Variants in OGDH observed in about 807,000 individuals in gnomAD.
The protein encoded by OGDH is 2-oxoglutarate dehydrogenase complex component E1.
OGDH carries 38 observed loss-of-function variants against 116.6 expected under a neutral mutation model. That is an observed-to-expected ratio of 0.33 (90% CI 0.25 to 0.43). OGDH has a LOEUF of 0.43. OGDH is among the 20% of genes least tolerant of loss of function. OGDH has a pLI of 1.00. For synonymous variants in OGDH, 488 were observed against 533.3 expected (o/e 0.92, Z 1.17); for missense variants, 825 against 1,357.2 (o/e 0.61, Z 6.16).
intron 6 of OGDH, 65 bp downstream of exon 6, chr7:44,674,006 G>A (rs1787581220): frequency 6.3e-7 from 1 of 1,595,978 alleles, no homozygotes; most frequent in Non-Finnish European, 8.6e-7. Flanking sequence ...TGTCTGTGTT[G>A]ATCGGGCCTG....
intron 10 of OGDH, among the ~76,000 whole-genome samples, chr7:44,682,779 G>A (rs561235688): frequency 3.3e-5 from 5 of 152,144 alleles, no homozygotes; most frequent in Non-Finnish European, 5.9e-5. Context: ...CTTGAACCTG[G>A]GAGGTCGAGG....
At chr7:44,635,447 C>T (rs1430558527) in intron 2 of OGDH, among the ~76,000 whole-genome samples, 4 of 152,062 alleles carry the variant, frequency 2.6e-5, no homozygotes, top group East Asian at 1.9e-4. Context: ...CCACCCGCGC[C>T]GCGGATTATT....
At chr7:44,610,636 C>T (rs951095394) in intron 1 of OGDH, among the ~76,000 whole-genome samples, 4 of 146,752 alleles carry the variant, frequency 2.7e-5, no homozygotes, top group East Asian at 2.1e-4. Flanking sequence ...TTGTTTGAGA[C>T]GGAGTCTTGC....
rs563143513 is a variant in OGDH, at chr7:44,686,023, ATTAG to A, written c.1335+4178_1335+4181del. On this transcript the variant is annotated intron_variant, in intron 10 of 22. Transcript: ENST00000222673. ...TTTTTAACTTTTTGAGTAACTGCTT[ATTAG>A]TTCTAATTTTCTTTCTTTCTTTTTT... Among the ~76,000 whole-genome samples the A allele has an allele frequency of 1.6e-4, 24 of 148,512 alleles. No homozygotes were observed. In the East Asian group the frequency reaches 4.6e-3, roughly 28 times the overall value.
chr7:44,663,933 C>T (rs1205276851), intron 4 of OGDH, among the ~76,000 whole-genome samples: 3 of 150,644 alleles, frequency 2.0e-5, no homozygotes, highest in Non-Finnish European at 3.0e-5. Flanking sequence ...GAGTGAGACC[C>T]TGTCTCAAAA....
chr7:44,609,315 G>A (rs1343911141), intron 1 of OGDH, among the ~76,000 whole-genome samples: 13 of 129,532 alleles, frequency 1.0e-4, no homozygotes, highest in African/African-American at 3.5e-4. Flanking sequence ...CGAGTCTGAG[G>A]AACATAGTGA....
intron 5 of OGDH, among the ~76,000 whole-genome samples, chr7:44,672,940 C>T (rs1787533023): frequency 6.6e-6 from 1 of 151,992 alleles, no homozygotes; most frequent in African/African-American, 2.4e-5. Flanking sequence ...CGCGCCTGGC[C>T]CCGAGATGGA....
intron 5 of OGDH, 77 bp downstream of exon 5, chr7:44,666,928 AT>A (rs1562653500): frequency 1.3e-5 from 11 of 830,572 alleles, no homozygotes; most frequent in South Asian, 1.8e-5. Context: ...GACTAGTTTT[AT>A]TTTTTTTCTT....
chr7:44,607,251 G>A (rs1784390551), intron 1 of OGDH, among the ~76,000 whole-genome samples: 1 of 152,228 alleles, frequency 6.6e-6, no homozygotes, highest in Admixed American at 6.5e-5. Flanking sequence ...CAGAAGTTGG[G>A]TCGAACAGAT....
At position 44,624,297 on chromosome 7, in the gene OGDH, T is replaced by TTG; in HGVS notation, c.-27-19_-27-18insGT. On this transcript the variant is annotated intron_variant, in intron 1 of 22. Transcript: ENST00000222673. ...TTTAAAACCTTTCTTTCTTGTTTTT[T>TTG]TTTTTTTTTTTTTGTACAGGCAGTT... The TTG allele has an allele frequency of 4.2e-6, 5 of 1,202,202 alleles. No homozygotes were observed. The highest frequency in any genetic ancestry group is 5.6e-6 in the Non-Finnish European group (5 of 900,402). 74.5% of individuals were successfully genotyped at this position (1,202,202 alleles called of 1,614,324 possible).
chr7:44,704,045 C>G (rs1469974388), intron 20 of OGDH, among the ~76,000 whole-genome samples: 1 of 152,154 alleles, frequency 6.6e-6, no homozygotes, highest in Admixed American at 6.6e-5. Flanking sequence ...CTTTGAGTCC[C>G]TGCTTTCAGT....
chr7:44,621,486 A>G (rs1197150306), intron 1 of OGDH, among the ~76,000 whole-genome samples: 1 of 152,228 alleles, frequency 6.6e-6, no homozygotes, highest in Non-Finnish European at 1.5e-5. Context: ...AAGTGTGGAC[A>G]GCAAATAGCT....
chr7:44,656,183 T>C (rs373324439), intron 4 of OGDH: 266 of 763,232 alleles, frequency 3.5e-4, no homozygotes, highest in Non-Finnish European at 5.6e-4. Context: ...TGTGTGTGTG[T>C]CCCTGTGATG....
chr7:44,680,632 C>T (rs745341076), intron 9 of OGDH, among the ~76,000 whole-genome samples: 22 of 151,864 alleles, frequency 1.4e-4, no homozygotes, highest in African/African-American at 2.9e-4. Flanking sequence ...TAGATGTATG[C>T]GGAATGGGCC....
chr7:44,681,860 C>A lies in OGDH; in HGVS notation c.1335+12C>A, dbSNP rs755441505. ...TCGTCAACAACCAGGTACCTCACACCAGCCTGCGGCTTTGCTGCTCACATC... is the reference window on the plus strand; with the variant it reads ...TCGTCAACAACCAGGTACCTCACACAAGCCTGCGGCTTTGCTGCTCACATC... On this transcript the variant is annotated intron_variant, in intron 10 of 22. Transcript: ENST00000222673. The A allele has an allele frequency of 7.4e-6, 12 of 1,613,966 alleles. No individual in the cohort carries two copies. Among genetic ancestry groups the A allele is most frequent in the Non-Finnish European group, 1.0e-5 (12 of 1,179,908 alleles).
At position 44,708,093 on chromosome 7, in the gene OGDH, ACCACCGCCCTCCTCGCTGTG is replaced by A; in HGVS notation, c.*100_*119del. 1 of 1,481,918 alleles carries A rather than the reference ACCACCGCCCTCCTCGCTGTG, an allele frequency of 6.7e-7. No individual in the cohort carries two copies. The highest frequency in any genetic ancestry group is 2.0e-5 in the Admixed American group (1 of 49,346). 91.8% of individuals were successfully genotyped at this position (1,481,918 alleles called of 1,614,324 possible). On this transcript the variant is annotated 3_prime_UTR_variant, in exon 23 of 23. Coordinates refer to ENST00000222673, the MANE Select transcript of OGDH (RefSeq NM_002541.4). ...AGAATAGTGCCTCAGCGCTGCCCAC[ACCACCGCCCTCCTCGCTGTG>A]CCACCACCCCTCCCTCTGCTCTCAT...
At chr7:44,678,847 A>T (rs974988598) in intron 9 of OGDH, among the ~76,000 whole-genome samples, 2 of 152,354 alleles carry the variant, frequency 1.3e-5, no homozygotes, top group Admixed American at 1.3e-4. Flanking sequence ...TGTAACTCTC[A>T]GCATTTTTCG....
chr7:44,624,382 A>C lies in OGDH; in HGVS notation c.39A>C (p.Pro13=), dbSNP rs34777281. 6.8e-3 allele frequency: 10,885 copies of C among 1,602,400 alleles called. 63 individuals are homozygous for C. The highest frequency in any genetic ancestry group is 8.1e-3 in the Non-Finnish European group (9,569 of 1,177,310). The change falls in exon 2 of 23, where the codon CCA becomes CCC. Residue 13 remains proline, a synonymous_variant. Coordinates refer to ENST00000222673, the MANE Select transcript of OGDH (RefSeq NM_002541.4). ...HLRTCAAKLR[P]LTASQTVKTF... is the part of the protein sequence containing the mutation. ...GGACTTGTGCTGCTAAGTTGAGGCC[A>C]TTGACGGCTTCCCAGACTGTTAAGA...
intron 13 of OGDH, 52 bp downstream of exon 13, chr7:44,696,179 C>A: frequency 7.7e-7 from 1 of 1,295,526 alleles, no homozygotes; most frequent in Non-Finnish European, 1.1e-6. Context: ...TCTGATGTAA[C>A]GAGGCATCCT....
Sources: allele counts gnomAD v4.1 joint callset (sites outside exome capture counted in the v4.1 genomes callset), GRCh38; gene constraint gnomAD v4.1.1; transcripts MANE v1.5; gene names NCBI Gene and HGNC (gene_info 2026-07-23, HGNC 2026-07-21).